KYNU: variants seen among roughly 807,000 people sequenced by gnomAD.
KYNU encodes the protein kynureninase.
KYNU carries 54 observed loss-of-function variants against 59.2 expected under a neutral mutation model. The ratio of observed to expected loss-of-function variants is 0.91; its 90% CI spans 0.73 to 1.14. The LOEUF is 1.14. Among genes scored for constraint, KYNU ranks in the 50% most tolerant of loss-of-function variants. KYNU has a pLI of 0.00. For missense variants in KYNU, 567 were observed against 554.4 expected (o/e 1.02, Z -0.23); for synonymous variants, 177 against 192.0 (o/e 0.92, Z 0.65).
At chr2:143,000,132 A>G (rs1458575291) in intron 10 of KYNU, among the ~76,000 whole-genome samples, 1 of 152,190 alleles carries the variant, frequency 6.6e-6, no homozygotes, top group African/African-American at 2.4e-5. Context: ...TTTATAGCAC[A>G]TATAATACGA....
intron 1 of KYNU, among the ~76,000 whole-genome samples, chr2:142,883,593 T>C (rs1480989277): frequency 6.6e-6 from 1 of 152,118 alleles, no homozygotes; most frequent in East Asian, 1.9e-4. Flanking sequence ...TGCATTTAGT[T>C]GAACAAGCCA....
At chr2:142,973,613 G>A (rs935755572) in intron 8 of KYNU, among the ~76,000 whole-genome samples, 2 of 152,072 alleles carry the variant, frequency 1.3e-5, no homozygotes, top group African/African-American at 4.8e-5. Context: ...GCAAGCCTCC[G>A]TGTGCTTGGG....
At chr2:143,011,847 G>A (rs1686108042) in intron 10 of KYNU, among the ~76,000 whole-genome samples, 1 of 134,064 alleles carries the variant, frequency 7.5e-6, no homozygotes, top group Non-Finnish European at 1.6e-5. Context: ...CTCACTCATA[G>A]GTGGGAATTG....
intron 4 of KYNU, among the ~76,000 whole-genome samples, chr2:142,954,519 TA>T (rs1684099333): frequency 1.3e-5 from 2 of 152,098 alleles, no homozygotes; most frequent in Non-Finnish European, 2.9e-5. Context: ...GAGCTGATAA[TA>T]GGATATATCA....
At chr2:143,004,092 A>G (rs1360018089) in intron 10 of KYNU, among the ~76,000 whole-genome samples, 1 of 152,192 alleles carries the variant, frequency 6.6e-6, no homozygotes, top group Admixed American at 6.5e-5. Flanking sequence ...AAATGTAACA[A>G]ATTCATTAGA....
At chr2:142,949,949 T>G (rs1683932635) in intron 4 of KYNU, among the ~76,000 whole-genome samples, 1 of 152,234 alleles carries the variant, frequency 6.6e-6, no homozygotes, top group African/African-American at 2.4e-5. Flanking sequence ...AATGCTTTGC[T>G]GCTTAGAAGT....
intron 8 of KYNU, among the ~76,000 whole-genome samples, chr2:142,963,073 G>A (rs374811008): frequency 6.6e-6 from 1 of 152,294 alleles, no homozygotes; most frequent in African/African-American, 2.4e-5. Flanking sequence ...GGAGCAATGA[G>A]AGTCAATCAG....
rs530044103 is a variant in KYNU at position 142,966,725 on chromosome 2, A to T, written c.729+5955A>T. The stretch of plus-strand genomic sequence containing the variant: ...TATTTTGTCCATTTAACAAATTAGG[A>T]AAATAATCGTGCCAACTTCACAGGT... On this transcript the variant is annotated intron_variant, in intron 8 of 13. Coordinates refer to ENST00000264170, the MANE Select transcript of KYNU (RefSeq NM_003937.3). Among the ~76,000 whole-genome samples, 120 of 152,256 alleles carry T rather than the reference A, an allele frequency of 7.9e-4. 1 individual carries two copies. Among genetic ancestry groups the T allele is most frequent in the African/African-American group, 2.8e-3 (117 of 41,564 alleles).
At chr2:142,982,216 T>C (rs1415306031) in intron 8 of KYNU, among the ~76,000 whole-genome samples, 2 of 152,112 alleles carry the variant, frequency 1.3e-5, no homozygotes, top group African/African-American at 2.4e-5. Context: ...GTACACATAG[T>C]AAACTACACT....
intron 10 of KYNU, chr2:142,990,196 G>C (rs1257325151): frequency 6.6e-6 from 1 of 151,672 alleles, no homozygotes; most frequent in African/African-American, 2.4e-5. Context: ...ATGACTTCTT[G>C]GATGTTTTTG....
At chr2:142,962,323 TTAAAAGTGC>T (rs1684381654) in intron 8 of KYNU, among the ~76,000 whole-genome samples, 1 of 152,170 alleles carries the variant, frequency 6.6e-6, no homozygotes, top group South Asian at 2.1e-4. Flanking sequence ...ACATCTCGCT[TTAAAAGTGC>T]TAATTTAACA....
At chr2:143,004,693 T>C (rs1006656406) in intron 10 of KYNU, among the ~76,000 whole-genome samples, 3 of 152,146 alleles carry the variant, frequency 2.0e-5, no homozygotes, top group Non-Finnish European at 4.4e-5. Flanking sequence ...AGAGCAAGAC[T>C]CTGTCTCAAA....
rs148250065 is a variant in KYNU, at chr2:143,037,224, C to A, written c.1042-3204C>A. Among the ~76,000 whole-genome samples the A allele has an allele frequency of 3.2e-3, 487 of 152,252 alleles. 2 individuals are homozygous for A. The highest frequency in any genetic ancestry group is 5.3e-3 in the Non-Finnish European group (359 of 68,016). On this transcript the variant is annotated intron_variant, in intron 12 of 13. Coordinates refer to ENST00000264170, the MANE Select transcript of KYNU (RefSeq NM_003937.3). Reference sequence around the variant, plus strand: ...CTCCCTCAATGGACACGAAGTGTGACCTTACACAAGCAACAACTCCCTTTG... The same window carrying A: ...CTCCCTCAATGGACACGAAGTGTGAACTTACACAAGCAACAACTCCCTTTG...
At chr2:142,907,024 C>T (rs1487893047) in intron 2 of KYNU, among the ~76,000 whole-genome samples, 4 of 152,138 alleles carry the variant, frequency 2.6e-5, no homozygotes, top group Admixed American at 6.5e-5. Context: ...GACAGGTGCC[C>T]GGTATTTTCC....
At chr2:142,886,604 T>C (rs752883439) in intron 2 of KYNU, among the ~76,000 whole-genome samples, 2 of 152,204 alleles carry the variant, frequency 1.3e-5, no homozygotes, top group Non-Finnish European at 2.9e-5. Flanking sequence ...TAGGTCATTC[T>C]AGAATCGAAA....
intron 4 of KYNU, among the ~76,000 whole-genome samples, chr2:142,941,036 C>A (rs1450504989): frequency 6.6e-6 from 1 of 152,176 alleles, no homozygotes; most frequent in East Asian, 1.9e-4. Flanking sequence ...GTTCATCAGC[C>A]CAGAACCTCT....
At position 143,010,561 on chromosome 2, in the gene KYNU, C is replaced by T. The variant is rs1024280769; in HGVS notation, c.903-19066C>T. On this transcript the variant is annotated intron_variant, in intron 10 of 13. Coordinates refer to ENST00000264170, the MANE Select transcript of KYNU (RefSeq NM_003937.3). ...TTCTTCACAGAATTGGAAAAAACTACTTTAAAGTTCATATGGAACCAAAAA... is the reference window on the plus strand; with the variant it reads ...TTCTTCACAGAATTGGAAAAAACTATTTTAAAGTTCATATGGAACCAAAAA... Among the ~76,000 whole-genome samples the T allele has an allele frequency of 1.2e-4, 16 of 136,104 alleles. 1 individual carries two copies. The highest frequency in any genetic ancestry group is 2.0e-4 in the Non-Finnish European group (13 of 64,766). 89.3% of individuals were successfully genotyped at this position (136,104 alleles called of 152,430 possible).
intron 10 of KYNU, among the ~76,000 whole-genome samples, chr2:143,013,298 C>CTCTCTCTGTGTGTGTG (rs72349700): frequency 1.8e-3 from 267 of 149,572 alleles, no homozygotes; most frequent in African/African-American, 5.6e-3. Flanking sequence ...GTCTCTTTCT[C>CTCTCTCTGTGTGTGTG]TGTGTGTGTG....
At chr2:143,019,074 C>G (rs553722335) in intron 10 of KYNU, among the ~76,000 whole-genome samples, 5 of 152,150 alleles carry the variant, frequency 3.3e-5, no homozygotes, top group African/African-American at 1.2e-4. Flanking sequence ...AGTGTATCAT[C>G]AGTTAAGAGA....
Sources: allele counts gnomAD v4.1 joint callset (sites outside exome capture counted in the v4.1 genomes callset), GRCh38; gene constraint gnomAD v4.1.1; transcripts MANE v1.5; gene names NCBI Gene and HGNC (gene_info 2026-07-23, HGNC 2026-07-21).